PHF20L1: variants seen among roughly 807,000 people sequenced by gnomAD.
The protein encoded by PHF20L1 is PHD finger protein 20-like protein 1.
PHF20L1 carries 44 observed loss-of-function variants against 125.5 expected under a neutral mutation model. The observed-to-expected ratio is 0.35, with a 90% CI of 0.28 to 0.45. The LOEUF is 0.45. Ranked by LOEUF, PHF20L1 falls within the 20% of genes least tolerant of loss-of-function variation. The pLI is 1.00. For missense variants in PHF20L1, 1,012 were observed against 1,217.2 expected (o/e 0.83, Z 2.51); for synonymous variants, 380 against 403.1 (o/e 0.94, Z 0.69).
At chr8:132,798,735 T>G in intron 4 of PHF20L1, 37 bp from the exon 5 acceptor site, 1 of 1,341,716 alleles carries the variant, frequency 7.5e-7, no homozygotes, top group Non-Finnish European at 1.1e-6. Flanking sequence ...AAACTTGAAT[T>G]ATATTTTCTA....
intron 2 of PHF20L1, among the ~76,000 whole-genome samples, chr8:132,780,127 A>G (rs918955792): frequency 3.9e-5 from 6 of 152,078 alleles, no homozygotes; most frequent in Non-Finnish European, 5.9e-5. Flanking sequence ...ATTCTAGGTA[A>G]TTTACAAAAA....
Position 132,848,037 on chromosome 8 carries a change from A to AT in PHF20L1, c.*2115dup, listed in dbSNP as rs1401865878. On this transcript the variant is annotated 3_prime_UTR_variant, in exon 21 of 21. Coordinates refer to ENST00000395386, the MANE Select transcript of PHF20L1 (RefSeq NM_016018.5). Reference sequence around the variant, plus strand: ...AAATAGCATCCTTAACCTATGAATAATGGTGTTGCCTAGATTCTTGTCACA... The same window carrying AT: ...AAATAGCATCCTTAACCTATGAATAATTGGTGTTGCCTAGATTCTTGTCACA... 6.6e-6 allele frequency: 1 copy of AT among 152,028 alleles called. No individual in the cohort carries two copies. The highest frequency in any genetic ancestry group is 1.9e-4 in the East Asian group (1 of 5,190). The allele number at this position is 152,028 out of a possible 1,614,324, so 9.4% of individuals were successfully genotyped here. A position where few individuals can be genotyped will look rare whatever the true frequency, so the allele number is the denominator to read the frequency against.
Position 132,821,078 on chromosome 8 carries a change from G to A in PHF20L1, c.1580-2926G>A, listed in dbSNP as rs141531998. ...GTGGCCATGCAGAGTGTACCTTTAT[G>A]TAACGTCAGGATGTCCATGAGCAGG... On this transcript the variant is annotated intron_variant, in intron 12 of 20. Transcript: ENST00000395386. Among the ~76,000 whole-genome samples, 3 of 151,968 alleles carry A rather than the reference G, an allele frequency of 2.0e-5. No individual in the cohort carries two copies. The East Asian group carries it at 5.8e-4, about 30-fold the overall frequency.
intron 4 of PHF20L1, 96 bp downstream of exon 4, chr8:132,794,913 C>T (rs988338596): frequency 3.8e-5 from 27 of 719,638 alleles, no homozygotes; most frequent in Admixed American, 8.4e-5. Flanking sequence ...GTAATCATTA[C>T]GTATAACTTT....
At chr8:132,822,099 C>T (rs1437077890) in intron 12 of PHF20L1, among the ~76,000 whole-genome samples, 1 of 151,850 alleles carries the variant, frequency 6.6e-6, no homozygotes, top group African/African-American at 2.4e-5. Flanking sequence ...AAAACATTGA[C>T]AACCCTTTAT....
intron 3 of PHF20L1, 59 bp downstream of exon 3, chr8:132,794,640 A>G (rs1832170244): frequency 1.3e-6 from 2 of 1,507,332 alleles, no homozygotes; most frequent in African/African-American, 1.4e-5. Context: ...ACATATTTTA[A>G]AAGGATTCTG....
At chr8:132,789,152 A>G (rs1831385007) in intron 2 of PHF20L1, among the ~76,000 whole-genome samples, 1 of 152,204 alleles carries the variant, frequency 6.6e-6, no homozygotes. Context: ...AAGAGTTGAT[A>G]CAACAGGGAA....
At chr8:132,828,692 A>T (rs767061247) in intron 14 of PHF20L1, among the ~76,000 whole-genome samples, 23 of 152,050 alleles carry the variant, frequency 1.5e-4, no homozygotes, top group Non-Finnish European at 2.6e-4. Context: ...TGTGTATGAG[A>T]AGTCACCATG....
intron 9 of PHF20L1, 73 bp from the exon 10 acceptor site, chr8:132,814,564 C>A: frequency 9.7e-7 from 1 of 1,032,656 alleles, no homozygotes; most frequent in Non-Finnish European, 1.4e-6. Flanking sequence ...AGTTGCTTAA[C>A]AGTCAAAATA....
intron 8 of PHF20L1, chr8:132,809,822 A>C (rs983698242): frequency 6.6e-6 from 1 of 152,112 alleles, no homozygotes; most frequent in African/African-American, 2.4e-5. Context: ...ACTGGGGTTC[A>C]CTGAAGGTAC....
chr8:132,788,871 A>C (rs1464314504), intron 2 of PHF20L1: 1 of 152,068 alleles, frequency 6.6e-6, no homozygotes, highest in Non-Finnish European at 1.5e-5. Flanking sequence ...GGTTTTGTGA[A>C]TGTGGACCAC....
chr8:132,831,480 A>C (rs991729179), intron 14 of PHF20L1, among the ~76,000 whole-genome samples: 1 of 152,098 alleles, frequency 6.6e-6, no homozygotes, highest in Non-Finnish European at 1.5e-5. Flanking sequence ...GAATTTTTAC[A>C]GAGTTCTTCC....
intron 12 of PHF20L1, 48 bp from the exon 13 acceptor site, chr8:132,823,955 CT>C: frequency 9.0e-7 from 1 of 1,114,794 alleles, no homozygotes; most frequent in Non-Finnish European, 1.3e-6. Context: ...TTGTCCCATA[CT>C]TTTAAGTTTT....
At chr8:132,826,361 G>C (rs952228637) in intron 14 of PHF20L1, 2 of 152,092 alleles carry the variant, frequency 1.3e-5, no homozygotes, top group African/African-American at 4.8e-5. Context: ...TGGGGACCAG[G>C]GAGTAAGGTG....
intron 14 of PHF20L1, among the ~76,000 whole-genome samples, chr8:132,829,256 TTGA>T (rs1410222515): frequency 6.6e-5 from 10 of 152,012 alleles, no homozygotes; most frequent in Non-Finnish European, 4.4e-5. Context: ...TATAATGGAG[TTGA>T]TAAGAAGGCA....
intron 17 of PHF20L1, 121 bp from the exon 18 acceptor site, chr8:132,839,266 T>C: frequency 1.3e-6 from 1 of 743,134 alleles, no homozygotes; most frequent in Non-Finnish European, 2.3e-6. Context: ...CTTACTCTTT[T>C]TGAATCTGCT....
chr8:132,797,798 G>A (rs920907828), intron 4 of PHF20L1, among the ~76,000 whole-genome samples: 4 of 151,856 alleles, frequency 2.6e-5, no homozygotes, highest in Non-Finnish European at 5.9e-5. Flanking sequence ...ATCGGCTTTG[G>A]TGCCAACCCC....
At chr8:132,834,895 G>C (rs144282224) in intron 15 of PHF20L1, among the ~76,000 whole-genome samples, 1 of 151,654 alleles carries the variant, frequency 6.6e-6, no homozygotes, top group East Asian at 1.9e-4. Flanking sequence ...GTATGTCCCT[G>C]TGACTTCAAA....
chr8:132,778,439 G>T (rs535998759), intron 2 of PHF20L1, among the ~76,000 whole-genome samples: 1 of 152,064 alleles, frequency 6.6e-6, no homozygotes, highest in African/African-American at 2.4e-5. Context: ...ATTTTCCCTG[G>T]TGGGCCTTAA....
Sources: allele counts gnomAD v4.1 joint callset (sites outside exome capture counted in the v4.1 genomes callset), GRCh38; gene constraint gnomAD v4.1.1; transcripts MANE v1.5; gene names NCBI Gene and HGNC (gene_info 2026-07-23, HGNC 2026-07-21).